ELF1: variants seen among roughly 807,000 people sequenced by gnomAD.
The protein encoded by ELF1 is ETS-related transcription factor Elf-1.
In ELF1, 24 loss-of-function variants were observed where a neutral mutation model predicts 59.9. The observed-to-expected ratio is 0.40, with a 90% CI of 0.29 to 0.56. ELF1 has a LOEUF of 0.56. ELF1 is among the 20% of genes least tolerant of loss of function. ELF1 has a pLI of 0.44. For synonymous variants in ELF1, 248 were observed against 266.2 expected, an observed-to-expected ratio of 0.93 and a Z score of 0.67; for missense variants, 627 against 742.2, an observed-to-expected ratio of 0.84 and a Z score of 1.80.
chr13:40,940,386 GAAAAAAAAAAAA>G (rs375400990), intron 8 of ELF1, among the ~76,000 whole-genome samples: 76,798 of 113,394 alleles, frequency 0.68, 25,190 homozygotes, highest in Middle Eastern at 0.79. Context: ...TGATTTAACT[GAAAAAAAAAAAA>G]AAAAAAAAAA....
intron 1 of ELF1, chr13:41,060,742 C>G (rs540720187): frequency 5.9e-6 from 1 of 168,542 alleles, no homozygotes; most frequent in Admixed American, 6.4e-5. Context: ...GAAGCGTTCC[C>G]ATACCGGGAG....
intron 1 of ELF1, among the ~76,000 whole-genome samples, chr13:41,018,881 C>CA (rs1875570084): frequency 2.0e-5 from 3 of 152,072 alleles, no homozygotes; most frequent in African/African-American, 7.2e-5. Context: ...TCAACTACCC[C>CA]AAAAAATACA....
chr13:41,060,949 C>T, exon 1 of ELF1: 1 of 360,468 alleles, frequency 2.8e-6, no homozygotes, highest in South Asian at 2.1e-5. Context: ...GCCGCCGCTG[C>T]TGCTGCCCAC....
chr13:41,061,385 AC>A, exon 1 of ELF1: 1 of 543,402 alleles, frequency 1.8e-6, no homozygotes. Flanking sequence ...TCGCGCTTTT[AC>A]CCCTTCCCGG....
chr13:41,060,911 T>TGCC lies in ELF1; in HGVS notation c.-303_-302insGGC, dbSNP rs1225488758. On this transcript the variant is annotated 5_prime_UTR_variant, in exon 1 of 2. Transcript: ENST00000405737. ...GCCGCCTCTGCGCTACTGAAGCTGC[T>TGCC]GCTGCCGCCGCCGCCGCCGCCGCCG... 254 of 264,498 alleles carry TGCC rather than the reference T, an allele frequency of 9.6e-4. 27 individuals are homozygous for TGCC. The highest frequency in any genetic ancestry group is 7.9e-3 in the Middle Eastern group (9 of 1,142). The allele number at this position is 264,498 out of a possible 1,614,324, so 16.4% of individuals were successfully genotyped here.
At chr13:40,950,989 C>T (rs1272322918) in intron 4 of ELF1, among the ~76,000 whole-genome samples, 1 of 152,130 alleles carries the variant, frequency 6.6e-6, no homozygotes, top group African/African-American at 2.4e-5. Context: ...AGATTGTTGC[C>T]TATTTGCTGA....
At chr13:41,047,827 C>T (rs1876921661) in intron 1 of ELF1, among the ~76,000 whole-genome samples, 1 of 152,244 alleles carries the variant, frequency 6.6e-6, no homozygotes, top group Non-Finnish European at 1.5e-5. Flanking sequence ...ACATTTAAGT[C>T]TGCAGAGGTT....
At chr13:40,965,980 G>A (rs1041129981) in intron 2 of ELF1, among the ~76,000 whole-genome samples, 21 of 152,214 alleles carry the variant, frequency 1.4e-4, no homozygotes, top group African/African-American at 4.6e-4. Flanking sequence ...CAGGACCACC[G>A]CTCTGAAGAA....
chr13:40,943,784 G>T, intron 6 of ELF1, 58 bp downstream of exon 6: 1 of 1,424,816 alleles, frequency 7.0e-7, no homozygotes, highest in East Asian at 2.4e-5. Context: ...GTTATAATAG[G>T]TAGGCACTAT....
intron 1 of ELF1, among the ~76,000 whole-genome samples, chr13:41,059,931 C>A (rs980966674): frequency 1.3e-5 from 2 of 152,184 alleles, no homozygotes; most frequent in Non-Finnish European, 2.9e-5. Flanking sequence ...AGTCGATATA[C>A]TTATTTAAAG....
At chr13:40,997,740 A>T (rs1874201198) in intron 1 of ELF1, among the ~76,000 whole-genome samples, 1 of 152,198 alleles carries the variant, frequency 6.6e-6, no homozygotes, top group Non-Finnish European at 1.5e-5. Flanking sequence ...GTCAGCTTGG[A>T]TATCATCAAA....
At chr13:41,007,411 T>A (rs1485624830) in intron 1 of ELF1, among the ~76,000 whole-genome samples, 1 of 152,144 alleles carries the variant, frequency 6.6e-6, no homozygotes, top group Non-Finnish European at 1.5e-5. Flanking sequence ...TGAAGGCACA[T>A]TCCACATATT....
chr13:40,933,486 TTGGAAC>T lies in ELF1; in HGVS notation c.1793_1798del (p.Ser598_Ser599del). The T allele has an allele frequency of 2.5e-6, 4 of 1,614,236 alleles. No individual in the cohort carries two copies. The highest frequency in any genetic ancestry group is 2.5e-6 in the Non-Finnish European group (3 of 1,180,034). On this transcript the variant is annotated inframe_deletion, in exon 9 of 9. Coordinates refer to ENST00000239882, the MANE Select transcript of ELF1 (RefSeq NM_172373.4). ...CATAGCTACCTGAGAAGTAAATCCA[TTGGAAC>T]TGGACACTACCATCACATAAGGCTG...
chr13:41,005,479 A>T (rs1241909345), intron 1 of ELF1, among the ~76,000 whole-genome samples: 4 of 144,278 alleles, frequency 2.8e-5, no homozygotes, highest in Non-Finnish European at 6.1e-5. Context: ...AACCTACCAC[A>T]AAAAAAAAAC....
At chr13:41,023,387 A>C (rs1875762907), upstream of ELF1, among the ~76,000 whole-genome samples, 2 of 152,260 alleles carry the variant, frequency 1.3e-5, no homozygotes, top group Non-Finnish European at 2.9e-5. Context: ...TGCTATGACT[A>C]TCAGAGATGG....
intron 1 of ELF1, among the ~76,000 whole-genome samples, chr13:41,028,380 A>G (rs557461641): frequency 3.2e-4 from 48 of 152,328 alleles, no homozygotes; most frequent in African/African-American, 1.0e-3. Flanking sequence ...GGGAAACTAC[A>G]ACAACCCAAT....
At position 41,051,109 on chromosome 13, in the gene ELF1, CA is replaced by C. The variant is rs142373534; in HGVS notation, c.-229+9728del. Among the ~76,000 whole-genome samples, 414 of 151,634 alleles carry C rather than the reference CA, an allele frequency of 2.7e-3. 8 individuals carry two copies. The East Asian group carries it at 0.049, about 18-fold the overall frequency. ...GCCATCTAAAAATATGTTTCATAAA[CA>C]AACAACCTTCTAGAAGGTAATGGCA... On this transcript the variant is annotated intron_variant, in intron 1 of 1. Transcript: ENST00000405737.
chr13:40,934,304 G>A (rs1433552647), intron 8 of ELF1, among the ~76,000 whole-genome samples: 1 of 150,284 alleles, frequency 6.7e-6, no homozygotes, highest in Non-Finnish European at 1.5e-5. Context: ...TAACACAAAT[G>A]AGGAGCTAAT....
At chr13:41,051,964 TCTCA>T (rs1354420812) in intron 1 of ELF1, among the ~76,000 whole-genome samples, 10 of 143,772 alleles carry the variant, frequency 7.0e-5, no homozygotes, top group Admixed American at 5.0e-4. Context: ...TGAGACAGAG[TCTCA>T]CTCAGTCTGT....
Sources: allele counts gnomAD v4.1 joint callset (sites outside exome capture counted in the v4.1 genomes callset), GRCh38; gene constraint gnomAD v4.1.1; transcripts MANE v1.5; gene names NCBI Gene and HGNC (gene_info 2026-07-23, HGNC 2026-07-21).